PTPN5: variants seen among roughly 807,000 people sequenced by gnomAD.
PTPN5 encodes protein tyrosine phosphatase non-receptor type 5.
In PTPN5, 29 loss-of-function variants were observed where a neutral mutation model predicts 73.9. The ratio of observed to expected loss-of-function variants is 0.39; its 90% CI spans 0.29 to 0.54. The LOEUF (loss-of-function observed/expected upper bound fraction) is 0.54, where lower values mean the gene tolerates loss of function less well. Ranked by LOEUF, PTPN5 falls within the 20% of genes least tolerant of loss-of-function variation. The pLI, the probability that PTPN5 is intolerant of heterozygous loss-of-function variation, is 0.65. For synonymous variants in PTPN5, 267 were observed against 304.7 expected (o/e 0.88, Z 1.29); for missense variants, 652 against 751.4 (o/e 0.87, Z 1.55).
chr11:18,759,977 G>C (rs533972844), intron 3 of PTPN5, among the ~76,000 whole-genome samples: 1 of 152,150 alleles, frequency 6.6e-6, no homozygotes, highest in East Asian at 1.9e-4. Flanking sequence ...TGACACAGCA[G>C]GTTCCTGAAG....
At chr11:18,792,302 C>G (rs1244807732), upstream of PTPN5, 1 of 152,368 alleles carries the variant, frequency 6.6e-6, no homozygotes, top group African/African-American at 2.4e-5. Context: ...CGCATGTTGC[C>G]AACACCTGCG....
At position 18,790,273 on chromosome 11, in the gene PTPN5, G is replaced by C. The variant is rs371903926; in HGVS notation, c.-114+1252C>G. Reference sequence around the variant, plus strand: ...CCTTAACGAGCCCCAAGGAGAAAGAGGTGGGGACCTCCGCAAAGGGATGAC... The same window carrying C: ...CCTTAACGAGCCCCAAGGAGAAAGACGTGGGGACCTCCGCAAAGGGATGAC... On this transcript the variant is annotated intron_variant, in intron 1 of 14. Transcript: ENST00000358540. Among the ~76,000 whole-genome samples the C allele has an allele frequency of 6.6e-5, 10 of 152,246 alleles. No individual in the cohort carries two copies. The East Asian group carries it at 1.4e-3, about 21-fold the overall frequency.
At chr11:18,776,829 G>C (rs1418236758) in intron 1 of PTPN5, among the ~76,000 whole-genome samples, 1 of 152,104 alleles carries the variant, frequency 6.6e-6, no homozygotes, top group Non-Finnish European at 1.5e-5. Flanking sequence ...AAAATGAAAA[G>C]TGGGGTAATG....
At chr11:18,732,238 C>T (rs1848908728) in intron 12 of PTPN5, among the ~76,000 whole-genome samples, 1 of 152,310 alleles carries the variant, frequency 6.6e-6, no homozygotes, top group East Asian at 1.9e-4. Flanking sequence ...TCATGATGAA[C>T]CCTCAATTAT....
In PTPN5 at chr11:18,733,242, A is replaced by C; in HGVS notation, c.1211T>G (p.Met404Arg). The change falls in exon 11 of 15, where the codon ATG (methionine) becomes AGG (arginine). Residue 404 changes from methionine to arginine, a missense_variant. Physicochemically the swap from Met to Arg is moderately conservative, Grantham distance 91 (BLOSUM62 -1). Around this residue, in one of 3 missense-constraint regions of PTPN5, gnomAD observed 529 missense variants for 573.9 expected, o/e 0.92. Coordinates refer to ENST00000358540, the MANE Select transcript of PTPN5 (RefSeq NM_006906.2). The surrounding 1 kb of genome is among the most constrained non-coding windows in gnomAD (Gnocchi z 4.3). The stretch of plus-strand genomic sequence containing the variant: ...GGGGACGGGGGTCCCTACCTCGTTC[A>C]TCTCCTCGATGTTGGTGATCATGAC... ...IIVMITNIEEMNEKCTEYWPE... is the reference protein window; with the variant it reads ...IIVMITNIEERNEKCTEYWPE... 6.2e-7 allele frequency: 1 copy of C among 1,612,264 alleles called. No individual in the cohort carries two copies. Among genetic ancestry groups the C allele is most frequent in the East Asian group, 2.2e-5 (1 of 44,784 alleles).
In PTPN5 at chr11:18,740,710, G is replaced by C; in HGVS notation, c.808C>G (p.Arg270Gly). 3 of 1,607,606 alleles carry C rather than the reference G, an allele frequency of 1.9e-6. 1 individual carries two copies. Among genetic ancestry groups the C allele is most frequent in the South Asian group, 2.2e-5 (2 of 90,062 alleles). ...AGGTACTCGCGGGCGGACTCCTCAC[G>C]TGGGGACATGAGATAGCCAAAGCCC... ...EEGFGYLMSP[R>G]EESAREYLLS... is the part of the protein sequence containing the mutation. The change falls in exon 8 of 15, where the codon CGT becomes GGT. Residue 270 changes from arginine to glycine, a missense_variant. Arg to Gly is a moderately radical substitution (Grantham distance 125). This residue lies in a region of PTPN5 where 529 missense variants were observed against 573.9 expected (regional missense o/e 0.92). Transcript: ENST00000358540.
chr11:18,766,475 G>A (rs1475155760), intron 2 of PTPN5, among the ~76,000 whole-genome samples: 2 of 152,220 alleles, frequency 1.3e-5, no homozygotes, highest in African/African-American at 4.8e-5. Context: ...GCAGTGAAAA[G>A]TGGTATGCAG....
chr11:18,771,791 G>C (rs1250697433), intron 2 of PTPN5, 148 bp downstream of exon 2: 3 of 687,438 alleles, frequency 4.4e-6, no homozygotes, highest in Non-Finnish European at 7.6e-6. Context: ...AGCAGGCAGG[G>C]GCAGAGGGCA....
At chr11:18,791,980 C>G (rs1213818977), upstream of PTPN5, 1 of 152,236 alleles carries the variant, frequency 6.6e-6, no homozygotes, top group Non-Finnish European at 1.5e-5. Context: ...GACCTCATCT[C>G]AGGTGCCTCC....
At chr11:18,789,948 TA>T (rs901551669) in intron 1 of PTPN5, among the ~76,000 whole-genome samples, 1 of 151,682 alleles carries the variant, frequency 6.6e-6, no homozygotes, top group African/African-American at 2.4e-5. Context: ...GGAAATAAAA[TA>T]AAAAAAGGAA....
intron 1 of PTPN5, among the ~76,000 whole-genome samples, chr11:18,780,131 T>G (rs1034433574): frequency 6.6e-6 from 1 of 152,162 alleles, no homozygotes. Flanking sequence ...TGCTTCCTAT[T>G]TCCTCAGGCT....
intron 3 of PTPN5, among the ~76,000 whole-genome samples, chr11:18,763,847 G>A (rs60532818): frequency 0.052 from 7,947 of 152,252 alleles, 684 homozygotes; most frequent in African/African-American, 0.18. Flanking sequence ...AGGGACTGGA[G>A]CTCCAGCAAG....
rs377292862 is a variant in PTPN5, at chr11:18,764,992, A to G, written c.97+815T>C. The stretch of plus-strand genomic sequence containing the variant: ...CTCCCAAAGTGCTGGGATTACAGGC[A>G]TGAGCCACCGCACCTGGCCCAAAAG... On this transcript the variant is annotated intron_variant, in intron 3 of 14. Transcript: ENST00000358540. Among the ~76,000 whole-genome samples the G allele has an allele frequency of 7.2e-4, 110 of 152,264 alleles. No homozygotes were observed. In the East Asian group the frequency reaches 0.011, roughly 15 times the overall value.
chr11:18,730,268 C>T (rs968048702), intron 12 of PTPN5: 31 of 289,304 alleles, frequency 1.1e-4, no homozygotes, highest in African/African-American at 6.7e-4. Flanking sequence ...CAAGTTTTAC[C>T]ACCTCTTCAC....
At chr11:18,774,000 C>T (rs926687580) in intron 1 of PTPN5, among the ~76,000 whole-genome samples, 3 of 152,202 alleles carry the variant, frequency 2.0e-5, no homozygotes, top group East Asian at 3.9e-4. Context: ...CTCTTTGCAC[C>T]CCTCCTTAAA....
At chr11:18,754,168 C>A (rs540880158) in intron 3 of PTPN5, among the ~76,000 whole-genome samples, 1 of 152,120 alleles carries the variant, frequency 6.6e-6, no homozygotes. Flanking sequence ...ACCACCTTTT[C>A]CTCTCCAAGT....
In PTPN5 at chr11:18,742,420, G is replaced by C. The variant is rs1024805561; in HGVS notation, c.567C>G (p.Pro189=). The C allele has an allele frequency of 6.2e-7, 1 of 1,614,070 alleles. No individual in the cohort carries two copies. Among genetic ancestry groups the C allele is most frequent in the African/African-American group, 1.3e-5 (1 of 74,946 alleles). The change falls in exon 7 of 15, where the codon CCC becomes CCG. Residue 189 remains proline (P), a synonymous_variant. Transcript: ENST00000358540. The surrounding 1 kb of genome is among the most constrained non-coding windows in gnomAD (Gnocchi z 4.1). ...CCATCCACTCTGAGTAGGTGAAGGAGGGCTGGCGGCTCACTGACTGGCGCC... is the reference window on the plus strand; with the variant it reads ...CCATCCACTCTGAGTAGGTGAAGGACGGCTGGCGGCTCACTGACTGGCGCC... ...EDRRQSVSRQ[P]SFTYSEWMEE...
chr11:18,790,715 G>A (rs529082011), intron 1 of PTPN5, among the ~76,000 whole-genome samples: 1 of 152,086 alleles, frequency 6.6e-6, no homozygotes, highest in African/African-American at 2.4e-5. Context: ...TGGGGTTCTG[G>A]GGCTTCAATG....
At chr11:18,740,901 G>C (rs1212115417) in intron 7 of PTPN5, 109 bp from the exon 8 acceptor site, 1 of 627,348 alleles carries the variant, frequency 1.6e-6, no homozygotes, top group African/African-American at 1.9e-5. Context: ...CTGGGAACAG[G>C]GTGGGGTTGA....
Sources: gnomAD v4.1 joint callset for allele counts (sites outside exome capture counted in the v4.1 genomes callset) on GRCh38, gnomAD v4.1.1 for gene constraint, gnomAD v4.1.1 regional missense constraint, Gnocchi (gnomAD v3.1) non-coding constraint, MANE v1.5 for transcripts, NCBI Gene and HGNC (gene_info 2026-07-23, HGNC 2026-07-21) for gene names.